DOCK1: variants seen among roughly 807,000 people sequenced by gnomAD.
The protein encoded by DOCK1 is dedicator of cytokinesis protein 1.
A neutral mutation model predicts 262.7 loss-of-function variants in DOCK1; 138 were observed. That is an observed-to-expected ratio of 0.53 (90% CI 0.46 to 0.61). The LOEUF is 0.61. Ranked by LOEUF, DOCK1 falls within the 20% of genes least tolerant of loss-of-function variation. DOCK1 has a pLI of 0.00. For synonymous variants in DOCK1, 866 were observed against 867.4 expected, an observed-to-expected ratio of 1.00 and a Z score of 0.03; for missense variants, 1,908 against 2,370.7, an observed-to-expected ratio of 0.80 and a Z score of 4.05.
At chr10:126,950,529 T>C (rs1307414588) in intron 1 of DOCK1, among the ~76,000 whole-genome samples, 1 of 152,102 alleles carries the variant, frequency 6.6e-6, no homozygotes, top group Non-Finnish European at 1.5e-5. Flanking sequence ...GTGCCCAGAA[T>C]TGTCACTGTC....
At chr10:126,920,657 C>T (rs572869223) in intron 1 of DOCK1, among the ~76,000 whole-genome samples, 13 of 152,290 alleles carry the variant, frequency 8.5e-5, no homozygotes, top group African/African-American at 2.9e-4. Flanking sequence ...GCTTTTTCTG[C>T]AGAGATCTAG....
rs972998229 is a variant in DOCK1, at chr10:127,446,937, G to A, written c.5414-457G>A. On this transcript the variant is annotated intron_variant, in intron 50 of 51. Coordinates refer to ENST00000623213, the MANE Select transcript of DOCK1 (RefSeq NM_001290223.2). This position sits in a 1 kb window ranked among gnomAD's most constrained non-coding sequence, Gnocchi z 4.4. ...ATGGGAAGCTGGGTGGCTGGTCGGC[G>A]TGTTAGACTTTGCTTAGTGAATCTC... Among the ~76,000 whole-genome samples the A allele has an allele frequency of 4.6e-5, 7 of 152,182 alleles. No homozygotes were observed. Among genetic ancestry groups the A allele is most frequent in the African/African-American group, 7.2e-5 (3 of 41,442 alleles).
At chr10:127,078,988 T>C (rs1413691178) in intron 23 of DOCK1, among the ~76,000 whole-genome samples, 1 of 152,232 alleles carries the variant, frequency 6.6e-6, no homozygotes, top group African/African-American at 2.4e-5. Context: ...ATTTAATCCC[T>C]TGCTTTTTGT....
chr10:127,326,872 A>G (rs2062767774), intron 29 of DOCK1, among the ~76,000 whole-genome samples: 1 of 152,228 alleles, frequency 6.6e-6, no homozygotes, highest in East Asian at 1.9e-4. Context: ...AGCAGGCATG[A>G]AAACAACATT....
At chr10:127,186,358 C>T (rs1015756369) in intron 27 of DOCK1, among the ~76,000 whole-genome samples, 6 of 152,124 alleles carry the variant, frequency 3.9e-5, no homozygotes, top group Admixed American at 6.5e-5. Context: ...ACTGAATGAG[C>T]GCAAGCAGGG....
chr10:127,026,306 G>A (rs2042858097), intron 15 of DOCK1, 46 bp from the exon 16 acceptor site: 1 of 1,511,634 alleles, frequency 6.6e-7, no homozygotes, highest in African/African-American at 1.4e-5. Context: ...TGTTACGCTG[G>A]ATGATATTGA....
intron 22 of DOCK1, among the ~76,000 whole-genome samples, chr10:127,059,781 G>T (rs969686981): frequency 1.3e-5 from 2 of 151,986 alleles, no homozygotes; most frequent in Non-Finnish European, 2.9e-5. Context: ...GATTATCTGT[G>T]GGGCTGTTTC....
chr10:127,076,867 G>T (rs2046591553), intron 23 of DOCK1, among the ~76,000 whole-genome samples: 1 of 152,100 alleles, frequency 6.6e-6, no homozygotes, highest in South Asian at 2.1e-4. Flanking sequence ...GCTTGTCCCT[G>T]GGGTGCAGGA....
chr10:127,182,994 T>A (rs573874018), intron 27 of DOCK1, among the ~76,000 whole-genome samples: 1 of 150,356 alleles, frequency 6.7e-6, no homozygotes, highest in South Asian at 2.1e-4. Context: ...TTAGTGGGAA[T>A]CTCACTCACA....
intron 19 of DOCK1, 47 bp from the exon 20 acceptor site, chr10:127,042,578 A>G (rs880272): frequency 0.92 from 1,396,237 of 1,515,456 alleles, 643,548 homozygotes; most frequent in Admixed American, 0.96. Flanking sequence ...TGTGTGGGGG[A>G]AGTCCGGTGG....
chr10:127,175,588 A>G lies in DOCK1; in HGVS notation c.2847+47824A>G. ...TGGCTGGCGGCTGCAGAGTCTGACAAACCAGGCTCGGGGGCCCTGGCACTG... is the reference window on the plus strand; with the variant it reads ...TGGCTGGCGGCTGCAGAGTCTGACAGACCAGGCTCGGGGGCCCTGGCACTG... On this transcript the variant is annotated intron_variant, in intron 27 of 51. Transcript: ENST00000623213. This position sits in a 1 kb window ranked among gnomAD's most constrained non-coding sequence, Gnocchi z 6.3. 1 of 1,612,414 alleles carries G rather than the reference A, an allele frequency of 6.2e-7. No individual in the cohort carries two copies. Among genetic ancestry groups the G allele is most frequent in the South Asian group, 1.1e-5 (1 of 91,060 alleles).
chr10:127,143,546 G>A (rs550799391), intron 27 of DOCK1, among the ~76,000 whole-genome samples: 2 of 152,304 alleles, frequency 1.3e-5, no homozygotes, highest in African/African-American at 4.8e-5. Context: ...GAGGGCAGGT[G>A]CACCAGGATG....
At chr10:126,908,552 T>C (rs2031289452) in intron 1 of DOCK1, among the ~76,000 whole-genome samples, 1 of 152,246 alleles carries the variant, frequency 6.6e-6, no homozygotes, top group Admixed American at 6.5e-5. Flanking sequence ...AAGCATTGTT[T>C]GTAAATGAGA....
chr10:127,303,392 A>G (rs1285571688), intron 29 of DOCK1, among the ~76,000 whole-genome samples: 1 of 152,216 alleles, frequency 6.6e-6, no homozygotes, highest in African/African-American at 2.4e-5. Flanking sequence ...AGCCAAAGTC[A>G]ATGCCTAGTT....
intron 45 of DOCK1, among the ~76,000 whole-genome samples, chr10:127,419,406 C>T (rs1469488634): frequency 6.6e-6 from 1 of 152,192 alleles, no homozygotes; most frequent in African/African-American, 2.4e-5. Context: ...GACCAAGCCA[C>T]CAGGTCAGCT....
At position 127,359,245 on chromosome 10, in the gene DOCK1, C is replaced by T. The variant is rs557844168; in HGVS notation, c.3284-2819C>T. Among the ~76,000 whole-genome samples, 1,431 of 152,276 alleles carry T rather than the reference C, an allele frequency of 9.4e-3. 8 individuals carry two copies. Among genetic ancestry groups the T allele is most frequent in the African/African-American group, 0.016 (649 of 41,546 alleles). The stretch of plus-strand genomic sequence containing the variant: ...AGTCAGTGCCCAGGGCTGTCACTAT[C>T]CATAGAACCCAGTACCAGCTCCAGG... On this transcript the variant is annotated intron_variant, in intron 32 of 51. Transcript: ENST00000623213.
At chr10:127,346,450 G>C (rs1234817704) in intron 31 of DOCK1, among the ~76,000 whole-genome samples, 1 of 152,140 alleles carries the variant, frequency 6.6e-6, no homozygotes, top group African/African-American at 2.4e-5. Context: ...ACAAAAATTA[G>C]CCAGGTGTGG....
chr10:126,918,741 C>T (rs1164642239), intron 1 of DOCK1, among the ~76,000 whole-genome samples: 1 of 152,134 alleles, frequency 6.6e-6, no homozygotes, highest in African/African-American at 2.4e-5. Flanking sequence ...GGCGGGATGG[C>T]CTAACTCATG....
chr10:127,361,328 A>C (rs768613453), intron 32 of DOCK1, among the ~76,000 whole-genome samples: 17 of 151,772 alleles, frequency 1.1e-4, no homozygotes, highest in Middle Eastern at 3.2e-3. Flanking sequence ...GTTAGCCAGG[A>C]TGGTCTCGAT....
Sources: gnomAD v4.1 joint callset for allele counts (sites outside exome capture counted in the v4.1 genomes callset) on GRCh38, gnomAD v4.1.1 for gene constraint, Gnocchi (gnomAD v3.1) non-coding constraint, MANE v1.5 for transcripts, NCBI Gene and HGNC (gene_info 2026-07-23, HGNC 2026-07-21) for gene names.